EYS: variants seen among roughly 807,000 people sequenced by gnomAD.
EYS encodes the protein EGF-like photoreceptor maintenance factor.
Under a neutral mutation model 282.1 loss-of-function variants are expected in EYS, and 250 were observed. The ratio of observed to expected loss-of-function variants is 0.89; its 90% CI spans 0.80 to 0.98. EYS has a LOEUF of 0.98. EYS is among the 50% of genes least tolerant of loss of function. EYS has a pLI of 0.00. For missense variants in EYS, 4,016 were observed against 3,709.0 expected (o/e 1.08, Z -2.15); for synonymous variants, 1,355 against 1,282.9 (o/e 1.06, Z -1.20).
intron 12 of EYS, among the ~76,000 whole-genome samples, chr6:65,162,832 A>C (rs1764882079): frequency 4.0e-5 from 6 of 150,990 alleles, no homozygotes; most frequent in African/African-American, 1.5e-4. Context: ...GTTTTGTGAC[A>C]ATCTCCATCA....
chr6:65,595,253 G>C (rs944160736), intron 2 of EYS, among the ~76,000 whole-genome samples: 1 of 152,016 alleles, frequency 6.6e-6, no homozygotes, highest in Non-Finnish European at 1.5e-5. Flanking sequence ...CTCACTCATA[G>C]GTGGGAACTG....
rs994462978 is a variant in EYS, at chr6:64,385,154, T to G, written c.6078+3536A>C. 3.3e-5 allele frequency among the ~76,000 whole-genome samples: 5 copies of G among 152,196 alleles called. No individual in the cohort carries two copies. In the East Asian group the frequency reaches 9.6e-4, roughly 29 times the overall value. On this transcript the variant is annotated intron_variant, in intron 29 of 42. Transcript: ENST00000503581. The stretch of plus-strand genomic sequence containing the variant: ...ATGATACTTAGATATTCAGAGGAGC[T>G]GCATTGCCCAGAAACATATTCAGAA...
intron 26 of EYS, among the ~76,000 whole-genome samples, chr6:64,543,569 G>T (rs1259237146): frequency 2.0e-5 from 3 of 151,924 alleles, no homozygotes. Flanking sequence ...TGGCTTAAAG[G>T]CTCTATCACA....
chr6:65,428,277 T>C (rs1204665881), intron 5 of EYS, among the ~76,000 whole-genome samples: 1 of 152,126 alleles, frequency 6.6e-6, no homozygotes, highest in Non-Finnish European at 1.5e-5. Context: ...TAGATTTATA[T>C]GACAGTATTT....
At chr6:65,590,217 T>C (rs1370218435) in intron 2 of EYS, among the ~76,000 whole-genome samples, 1 of 152,062 alleles carries the variant, frequency 6.6e-6, no homozygotes, top group Non-Finnish European at 1.5e-5. Context: ...TTCTAGTTCT[T>C]TCTTCCACTA....
chr6:64,880,694 T>G (rs749569394), intron 19 of EYS, among the ~76,000 whole-genome samples: 75 of 150,744 alleles, frequency 5.0e-4, no homozygotes, highest in African/African-American at 1.0e-3. Context: ...GAATTTTTCC[T>G]GTGGAAAGTT....
At chr6:64,071,949 G>T (rs1429943333) in intron 32 of EYS, among the ~76,000 whole-genome samples, 1 of 151,654 alleles carries the variant, frequency 6.6e-6, no homozygotes, top group Non-Finnish European at 1.5e-5. Flanking sequence ...GGGGAAGGAA[G>T]GAAGAATTCA....
At chr6:65,127,082 C>G (rs531909438) in intron 12 of EYS, among the ~76,000 whole-genome samples, 7 of 152,058 alleles carry the variant, frequency 4.6e-5, no homozygotes, top group Non-Finnish European at 1.0e-4. Flanking sequence ...CAAAATTCTT[C>G]TTTATATCAG....
At chr6:64,101,902 G>T (rs1050733122) in intron 31 of EYS, among the ~76,000 whole-genome samples, 1 of 151,930 alleles carries the variant, frequency 6.6e-6, no homozygotes, top group Non-Finnish European at 1.5e-5. Context: ...CTCATAGGGA[G>T]TGTGCAACCT....
chr6:65,181,376 C>T (rs968141336), intron 12 of EYS, among the ~76,000 whole-genome samples: 6 of 152,030 alleles, frequency 3.9e-5, no homozygotes, highest in African/African-American at 1.4e-4. Context: ...AAACAAACAA[C>T]CCTATCAAAA....
chr6:65,355,192 A>G (rs1764432647), intron 8 of EYS, among the ~76,000 whole-genome samples: 1 of 152,090 alleles, frequency 6.6e-6, no homozygotes, highest in Admixed American at 6.6e-5. Flanking sequence ...AAAACAATAG[A>G]CAGTTTTTAT....
intron 12 of EYS, among the ~76,000 whole-genome samples, chr6:65,254,197 C>T (rs1307698063): frequency 6.6e-6 from 1 of 151,724 alleles, no homozygotes; most frequent in African/African-American, 2.4e-5. Flanking sequence ...ATAACTAATC[C>T]CTTCCCGCAC....
intron 31 of EYS, among the ~76,000 whole-genome samples, chr6:64,228,139 C>G (rs972415570): frequency 6.6e-6 from 1 of 152,076 alleles, no homozygotes; most frequent in Non-Finnish European, 1.5e-5. Flanking sequence ...GATTCTAAGG[C>G]ACACAACATC....
chr6:64,569,117 G>C (rs1053601117), intron 26 of EYS, among the ~76,000 whole-genome samples: 1 of 150,484 alleles, frequency 6.6e-6, no homozygotes, highest in African/African-American at 2.4e-5. Flanking sequence ...TTGCCAGGAA[G>C]GTCACAAAAC....
At chr6:64,347,335 C>T (rs1398480505) in intron 29 of EYS, among the ~76,000 whole-genome samples, 1 of 151,144 alleles carries the variant, frequency 6.6e-6, no homozygotes, top group East Asian at 2.0e-4. Context: ...ATTATTAATC[C>T]TTAGGCTAAT....
chr6:63,832,760 CA>C (rs1040360780), intron 36 of EYS, among the ~76,000 whole-genome samples: 2 of 151,886 alleles, frequency 1.3e-5, no homozygotes, highest in Non-Finnish European at 2.9e-5. Context: ...CGAGACACAA[CA>C]AAAAAAGAGA....
chr6:64,963,600 T>G (rs561773030), intron 14 of EYS, among the ~76,000 whole-genome samples: 1 of 152,264 alleles, frequency 6.6e-6, no homozygotes, highest in Non-Finnish European at 1.5e-5. Flanking sequence ...TAATTTGGCC[T>G]ATGGCTTGTT....
At chr6:65,150,168 C>A (rs1388233842) in intron 12 of EYS, among the ~76,000 whole-genome samples, 1 of 152,010 alleles carries the variant, frequency 6.6e-6, no homozygotes, top group African/African-American at 2.4e-5. Flanking sequence ...CAAGCCATAT[C>A]ACCTGTCATT....
chr6:65,525,943 T>G (rs1157433518), intron 2 of EYS, among the ~76,000 whole-genome samples: 7 of 152,192 alleles, frequency 4.6e-5, no homozygotes, highest in African/African-American at 1.7e-4. Context: ...CTGGAGTGTT[T>G]TAGTCCATTT....
Sources: allele counts gnomAD v4.1 joint callset (sites outside exome capture counted in the v4.1 genomes callset), GRCh38; gene constraint gnomAD v4.1.1; transcripts MANE v1.5; gene names NCBI Gene and HGNC (gene_info 2026-07-23, HGNC 2026-07-21).